Variants in ERVMER34-1 observed in about 807,000 individuals in gnomAD.
ERVMER34-1 encodes the protein endogenous retrovirus group MER34 member 1, envelope.
For missense variants in ERVMER34-1, 471 were observed against 295.1 expected (o/e 1.60, Z -4.37); for synonymous variants, 199 against 111.7 (o/e 1.78, Z -4.93).
chr4:52,751,244 G>A (rs1014607954), intron 1 of ERVMER34-1, 99 bp downstream of exon 1: 19 of 152,376 alleles, frequency 1.2e-4, no homozygotes, highest in Non-Finnish European at 1.3e-4. Flanking sequence ...GGGCAGCAGA[G>A]GAGCTCGGGG....
At chr4:52,746,581 T>C (rs1716161809) in intron 2 of ERVMER34-1, among the ~76,000 whole-genome samples, 1 of 152,230 alleles carries the variant, frequency 6.6e-6, no homozygotes, top group African/African-American at 2.4e-5. Context: ...ATCTCAGTTG[T>C]TAGTTTCTTT....
chr4:52,750,595 G>A (rs530207047), intron 2 of ERVMER34-1: 1 of 152,212 alleles, frequency 6.6e-6, no homozygotes, highest in Non-Finnish European at 1.5e-5. Context: ...TACCAAAGGG[G>A]GCCAAGCAGT....
intron 2 of ERVMER34-1, among the ~76,000 whole-genome samples, chr4:52,749,482 CT>C (rs1483794999): frequency 1.3e-4 from 19 of 149,002 alleles, no homozygotes; most frequent in African/African-American, 4.2e-4. Context: ...ACAAGAAGAC[CT>C]CTTAAGATAC....
At position 52,744,498 on chromosome 4, in the gene ERVMER34-1, T is replaced by A. The variant is rs536641099; in HGVS notation, c.1023A>T (p.Arg341Ser). The A allele has an allele frequency of 2.8e-6, 2 of 704,078 alleles. No individual in the cohort carries two copies. The highest frequency in any genetic ancestry group is 3.5e-5 in the African/African-American group (2 of 57,340). The allele number at this position is 704,078 out of a possible 1,614,324, so 43.6% of individuals were successfully genotyped here. A position where few individuals can be genotyped will look rare whatever the true frequency, so the allele number is the denominator to read the frequency against. The change falls in exon 3 of 3, where the codon AGA becomes AGT. Residue 341 changes from arginine (R) to serine (S), a missense_variant. By Grantham distance (110) the Arg-to-Ser change is moderately radical (BLOSUM62 -1). Transcript: ENST00000443173. ...TLNASQITNL[R>S]SFIHKVTPHR... ...GCGGTGTTACTTTATGAATGAAGGA[T>A]CTCAGGTTTGTAATTTGGCTAGCAT... is the stretch of plus-strand genomic sequence containing the variant.
Position 52,745,937 on chromosome 4 carries a change from TG to T in ERVMER34-1, c.-418del, listed in dbSNP as rs1165429641. 6.0e-6 allele frequency: 1 copy of T among 166,986 alleles called. No individual in the cohort carries two copies. The highest frequency in any genetic ancestry group is 2.4e-5 in the African/African-American group (1 of 41,658). The allele number at this position is 166,986 out of a possible 1,614,324, so 10.3% of individuals were successfully genotyped here. A position where few individuals can be genotyped will look rare whatever the true frequency, so the allele number is the denominator to read the frequency against. On this transcript the variant is annotated 5_prime_UTR_variant, in exon 3 of 3. Coordinates refer to ENST00000443173, the MANE Select transcript of ERVMER34-1 (RefSeq NM_001242690.2). ...TCTTCTAAAAACTTTCAGATATACT[TG>T]ATCACCTGGTTGAAAAGATGGCAGG... is the stretch of plus-strand genomic sequence containing the variant.
chr4:52,745,702 T>C lies in ERVMER34-1; in HGVS notation c.-182A>G. 1.7e-6 allele frequency: 1 copy of C among 593,404 alleles called. No homozygotes were observed. 36.8% of individuals were successfully genotyped at this position (593,404 alleles called of 1,614,324 possible). On this transcript the variant is annotated 5_prime_UTR_variant, in exon 3 of 3. Transcript: ENST00000443173. ...TGAGATACTGAGTAAAGCTGTCTACTTCATCTGCTCATGGAGCCTGTGAGT... is the reference window on the plus strand; with the variant it reads ...TGAGATACTGAGTAAAGCTGTCTACCTCATCTGCTCATGGAGCCTGTGAGT...
rs990247986 is a variant in ERVMER34-1 at position 52,743,772 on chromosome 4, A to G, written c.*57T>C. On this transcript the variant is annotated 3_prime_UTR_variant, in exon 3 of 3. Transcript: ENST00000443173. ...CTGAATTCTCGGTAAGACCTGCTTTACTCATCAAAGTTTAGCTAAGGCTTT... is the reference window on the plus strand; with the variant it reads ...CTGAATTCTCGGTAAGACCTGCTTTGCTCATCAAAGTTTAGCTAAGGCTTT... 42 of 1,428,476 alleles carry G rather than the reference A, an allele frequency of 2.9e-5. No homozygotes were observed. The highest frequency in any genetic ancestry group is 3.7e-5 in the Non-Finnish European group (40 of 1,090,558). 88.5% of individuals were successfully genotyped at this position (1,428,476 alleles called of 1,614,324 possible). A position where few individuals can be genotyped will look rare whatever the true frequency, so the allele number is the denominator to read the frequency against.
chr4:52,749,905 A>T (rs1388677190), intron 2 of ERVMER34-1, among the ~76,000 whole-genome samples: 1 of 152,186 alleles, frequency 6.6e-6, no homozygotes, highest in Non-Finnish European at 1.5e-5. Flanking sequence ...TACACTACTT[A>T]CACTGACTAG....
chr4:52,744,211 C>T lies in ERVMER34-1; in HGVS notation c.1310G>A (p.Cys437Tyr). 1.4e-6 allele frequency: 1 copy of T among 704,118 alleles called. No individual in the cohort carries two copies. Among genetic ancestry groups the T allele is most frequent in the South Asian group, 1.5e-5 (1 of 67,594 alleles). 43.6% of individuals were successfully genotyped at this position (704,118 alleles called of 1,614,324 possible). A position where few individuals can be genotyped will look rare whatever the true frequency, so the allele number is the denominator to read the frequency against. The change falls in exon 3 of 3, where the codon TGT becomes TAT. Residue 437 changes from cysteine to tyrosine, a missense_variant. Cys to Tyr is a radical substitution (Grantham distance 194, BLOSUM62 -2). Coordinates refer to ENST00000443173, the MANE Select transcript of ERVMER34-1 (RefSeq NM_001242690.2). ...DIPTTQRQTACGTVGKQCCLY... is the reference protein window; with the variant it reads ...DIPTTQRQTAYGTVGKQCCLY... The stretch of plus-strand genomic sequence containing the variant: ...GCAACACTGTTTGCCAACAGTTCCA[C>T]AAGCCGTTTGTCGTTGGGTGGTCGG...
At position 52,744,682 on chromosome 4, in the gene ERVMER34-1, G is replaced by T; in HGVS notation, c.839C>A (p.Thr280Asn). Residue 280 changes from threonine (T) to asparagine (N), a missense_variant, in exon 3 of 3, where the codon ACC (threonine) becomes AAC (asparagine). Coordinates refer to ENST00000443173, the MANE Select transcript of ERVMER34-1 (RefSeq NM_001242690.2). ...CAGATTGGAACCTGTGAGCCACCAG[G>T]TGGGGGTCCGGTGTCCATCATGACC... ...DKGHDGHRTP[T>N]WWLTGSNLTL... 7.1e-6 allele frequency: 5 copies of T among 704,144 alleles called. No individual in the cohort carries two copies. The highest frequency in any genetic ancestry group is 1.3e-5 in the Non-Finnish European group (5 of 385,000). 43.6% of individuals were successfully genotyped at this position (704,144 alleles called of 1,614,324 possible).
Position 52,751,069 on chromosome 4 carries a change from C to G in ERVMER34-1, c.-563G>C, listed in dbSNP as rs1716275713. 6.6e-6 allele frequency: 1 copy of G among 152,294 alleles called. No individual in the cohort carries two copies. The highest frequency in any genetic ancestry group is 1.5e-5 in the Non-Finnish European group (1 of 68,134). The allele number at this position is 152,294 out of a possible 1,614,324, so 9.4% of individuals were successfully genotyped here. A position where few individuals can be genotyped will look rare whatever the true frequency, so the allele number is the denominator to read the frequency against. On this transcript the variant is annotated splice_region_variant and 5_prime_UTR_variant, in exon 2 of 3. Coordinates refer to ENST00000443173, the MANE Select transcript of ERVMER34-1 (RefSeq NM_001242690.2). ...CGCTACAAAGTAGCGGCGTGTCTGC[C>G]CTAGGGAGGCAAAGCGCAAACTTGT...
chr4:52,744,045 A>T lies in ERVMER34-1; in HGVS notation c.1476T>A (p.Tyr492Ter), dbSNP rs1209490329. 1.4e-6 allele frequency: 1 copy of T among 706,740 alleles called. No homozygotes were observed. Among genetic ancestry groups the T allele is most frequent in the South Asian group, 1.5e-5 (1 of 67,658 alleles). The allele number at this position is 706,740 out of a possible 1,614,324, so 43.8% of individuals were successfully genotyped here. A position where few individuals can be genotyped will look rare whatever the true frequency, so the allele number is the denominator to read the frequency against. Reference protein sequence around the residue: ...KVGDWFRSWGYVLLIVLFCLF... With the variant: ...KVGDWFRSWG ...AGCAGAAAAGAACAATTAAAAGCAC[A>T]TAGCCCCATGATCTGAACCAGTCTC... The change falls in exon 3 of 3, where the codon TAT (tyrosine) becomes TAA (stop). Residue 492 changes from tyrosine (Y) to a stop codon, truncating the protein, a stop_gained. Coordinates refer to ENST00000443173, the MANE Select transcript of ERVMER34-1 (RefSeq NM_001242690.2). LOFTEE classifies it low-confidence loss of function (END_TRUNC).
In ERVMER34-1 at chr4:52,745,478, T is replaced by A. The variant is rs1429715066; in HGVS notation, c.43A>T (p.Thr15Ser). The change falls in exon 3 of 3, where the codon ACT becomes TCT. Residue 15 changes from threonine (T) to serine (S), a missense_variant. By Grantham distance (58) the Thr-to-Ser change is moderately conservative (BLOSUM62 1). Coordinates refer to ENST00000443173, the MANE Select transcript of ERVMER34-1 (RefSeq NM_001242690.2). Reference sequence around the variant, plus strand: ...TGTACTAGAATTGTCAAAAAAGCAGTAAGGGTTAGTTGAAGCAGGGCATAG... The same window carrying A: ...TGTACTAGAATTGTCAAAAAAGCAGAAAGGGTTAGTTGAAGCAGGGCATAG... ...SNYALLQLTL[T>S]AFLTILVQPQ... 1 of 703,932 alleles carries A rather than the reference T, an allele frequency of 1.4e-6. No individual in the cohort carries two copies. The highest frequency in any genetic ancestry group is 1.5e-5 in the South Asian group (1 of 67,594). 43.6% of individuals were successfully genotyped at this position (703,932 alleles called of 1,614,324 possible). A position where few individuals can be genotyped will look rare whatever the true frequency, so the allele number is the denominator to read the frequency against.
rs1266783529 is a variant in ERVMER34-1 at position 52,743,807 on chromosome 4, G to C, written c.*22C>G. On this transcript the variant is annotated 3_prime_UTR_variant, in exon 3 of 3. Transcript: ENST00000443173. ...GTTTAGCTAAGGCTTTTTGTCTGCA[G>C]CTGCTGTTTGTTCAGATATTCTCAA... 1 of 1,455,258 alleles carries C rather than the reference G, an allele frequency of 6.9e-7. No homozygotes were observed. Among genetic ancestry groups the C allele is most frequent in the Non-Finnish European group, 9.0e-7 (1 of 1,110,120 alleles). The allele number at this position is 1,455,258 out of a possible 1,614,324, so 90.1% of individuals were successfully genotyped here.
At position 52,744,423 on chromosome 4, in the gene ERVMER34-1, G is replaced by A. The variant is rs1716091996; in HGVS notation, c.1098C>T (p.Pro366=). Residue 366 remains proline, a synonymous_variant, in exon 3 of 3, where the codon CCC becomes CCT. Coordinates refer to ENST00000443173, the MANE Select transcript of ERVMER34-1 (RefSeq NM_001242690.2). Reference sequence around the variant, plus strand: ...GGGCCCTTATTGTTGAATTGTCCTTGGGGTTGCAATACAGAGGTGGATTGT... The same window carrying A: ...GGGCCCTTATTGTTGAATTGTCCTTAGGGTTGCAATACAGAGGTGGATTGT... ...DTDNPPLYCN[P]KDNSTIRALF... 1 of 703,998 alleles carries A rather than the reference G, an allele frequency of 1.4e-6. No homozygotes were observed. Among genetic ancestry groups the A allele is most frequent in the African/African-American group, 1.7e-5 (1 of 57,236 alleles). 43.6% of individuals were successfully genotyped at this position (703,998 alleles called of 1,614,324 possible).
In ERVMER34-1 at chr4:52,743,220, C is replaced by T. The variant is rs948755406; in HGVS notation, c.*609G>A. 64 of 152,150 alleles carry T rather than the reference C, an allele frequency of 4.2e-4. No homozygotes were observed. The highest frequency in any genetic ancestry group is 1.5e-3 in the African/African-American group (64 of 41,430). The allele number at this position is 152,150 out of a possible 1,614,324, so 9.4% of individuals were successfully genotyped here. A position where few individuals can be genotyped will look rare whatever the true frequency, so the allele number is the denominator to read the frequency against. ...AATATTCCATTAGACCACTAAAATG[C>T]CCATGGGAAATCAGGAAAGCTCAGA... is the stretch of plus-strand genomic sequence containing the variant. On this transcript the variant is annotated 3_prime_UTR_variant, in exon 3 of 3. Coordinates refer to ENST00000443173, the MANE Select transcript of ERVMER34-1 (RefSeq NM_001242690.2).
chr4:52,750,686 G>GA (rs1385245368), intron 2 of ERVMER34-1: 3 of 152,250 alleles, frequency 2.0e-5, no homozygotes, highest in Admixed American at 6.6e-5. Context: ...AGAAGCTCAG[G>GA]AAAAAATAAA....
chr4:52,749,022 C>T (rs1716218411), intron 2 of ERVMER34-1, among the ~76,000 whole-genome samples: 1 of 151,956 alleles, frequency 6.6e-6, no homozygotes, highest in African/African-American at 2.4e-5. Flanking sequence ...TACCTGGCTT[C>T]CTTTTTTAAA....
rs1416109017 is a variant in ERVMER34-1 at position 52,744,760 on chromosome 4, G to GT, written c.760dup (p.Thr254AsnfsTer16). 3 of 704,000 alleles carry GT rather than the reference G, an allele frequency of 4.3e-6. No individual in the cohort carries two copies. Among genetic ancestry groups the GT allele is most frequent in the Admixed American group, 4.0e-5 (2 of 49,994 alleles). 43.6% of individuals were successfully genotyped at this position (704,000 alleles called of 1,614,324 possible). A position where few individuals can be genotyped will look rare whatever the true frequency, so the allele number is the denominator to read the frequency against. ...ACATCTCCATTTCCCATGTGCCTCTGTCAGGCCATAAGAGCAAAATAGGTT... is the reference window on the plus strand; with the variant it reads ...ACATCTCCATTTCCCATGTGCCTCTGTTCAGGCCATAAGAGCAAAATAGGTT... On this transcript the variant is annotated frameshift_variant, in exon 3 of 3. Coordinates refer to ENST00000443173, the MANE Select transcript of ERVMER34-1 (RefSeq NM_001242690.2). LOFTEE classifies it low-confidence loss of function (END_TRUNC).
Sources: gnomAD v4.1 joint callset for allele counts (sites outside exome capture counted in the v4.1 genomes callset) on GRCh38, gnomAD v4.1.1 for gene constraint, MANE v1.5 for transcripts, NCBI Gene and HGNC (gene_info 2026-07-23, HGNC 2026-07-21) for gene names.